The following ADD2 variants were observed in gnomAD, a reference collection of about 807,000 sequenced individuals.
The protein encoded by ADD2 is beta-adducin.
Under a neutral mutation model 83.0 loss-of-function variants are expected in ADD2, and 23 were observed. That is an observed-to-expected ratio of 0.28 (90% CI 0.20 to 0.39). The LOEUF (loss-of-function observed/expected upper bound fraction) is 0.39. Among genes scored for constraint, ADD2 ranks in the 10% least tolerant of loss-of-function variants. The pLI, the probability that ADD2 is intolerant of heterozygous loss-of-function variation, is 1.00. For missense variants in ADD2, 758 were observed against 944.9 expected, an observed-to-expected ratio of 0.80 and a Z score of 2.59; for synonymous variants, 375 against 375.4, an observed-to-expected ratio of 1.00 and a Z score of 0.01.
At chr2:70,702,369 G>A (rs1574262990) in intron 4 of ADD2, among the ~76,000 whole-genome samples, 1 of 152,110 alleles carries the variant, frequency 6.6e-6, no homozygotes, top group African/African-American at 2.4e-5. Context: ...GTGTCACCAT[G>A]TTGGCCGGGC....
chr2:70,766,881 T>C (rs1675410757), intron 1 of ADD2, among the ~76,000 whole-genome samples: 1 of 152,246 alleles, frequency 6.6e-6, no homozygotes, highest in African/African-American at 2.4e-5. Context: ...TGGGTATTAA[T>C]CATGTGTCAG....
chr2:70,709,811 G>A (rs1672085827), intron 2 of ADD2, among the ~76,000 whole-genome samples: 1 of 152,168 alleles, frequency 6.6e-6, no homozygotes, highest in Admixed American at 6.5e-5. Context: ...TTGGCCTTGT[G>A]GATTCCAGTC....
chr2:70,751,693 CTTT>C, intron 1 of ADD2, among the ~76,000 whole-genome samples: 1 of 152,246 alleles, frequency 6.6e-6, no homozygotes, highest in East Asian at 1.9e-4. Flanking sequence ...CAACTCGATT[CTTT>C]TAGACTTTGG....
intron 1 of ADD2, among the ~76,000 whole-genome samples, chr2:70,758,501 C>G (rs1464096065): frequency 6.6e-6 from 1 of 151,896 alleles, no homozygotes; most frequent in Non-Finnish European, 1.5e-5. Flanking sequence ...GAGGGTAGAG[C>G]GTAAAGGAAA....
chr2:70,725,422 ATG>A (rs1468457701), intron 1 of ADD2, among the ~76,000 whole-genome samples: 1 of 152,190 alleles, frequency 6.6e-6, no homozygotes. Flanking sequence ...ATATATATAT[ATG>A]TGTGTATGTC....
At chr2:70,744,496 TATAA>T (rs1248063927) in intron 1 of ADD2, among the ~76,000 whole-genome samples, 3 of 152,110 alleles carry the variant, frequency 2.0e-5, no homozygotes, top group African/African-American at 7.2e-5. Flanking sequence ...AAGGCTGAGA[TATAA>T]ATGACATGAA....
At chr2:70,766,967 C>T (rs879970057) in intron 1 of ADD2, among the ~76,000 whole-genome samples, 2 of 152,088 alleles carry the variant, frequency 1.3e-5, no homozygotes, top group South Asian at 2.1e-4. Context: ...ATTTCTATTT[C>T]CTATTTTCTA....
chr2:70,669,071 CA>C (rs1669793476), intron 15 of ADD2, among the ~76,000 whole-genome samples: 1 of 152,118 alleles, frequency 6.6e-6, no homozygotes, highest in South Asian at 2.1e-4. Flanking sequence ...TATGTTGACA[CA>C]AGGGCTGGGC....
intron 7 of ADD2, among the ~76,000 whole-genome samples, chr2:70,691,228 C>T (rs560680128): frequency 1.3e-5 from 2 of 152,132 alleles, no homozygotes; most frequent in Non-Finnish European, 2.9e-5. Flanking sequence ...CCCTCCCACT[C>T]CCCCCACCTC....
At chr2:70,709,921 C>A (rs1672091447) in intron 2 of ADD2, among the ~76,000 whole-genome samples, 1 of 152,178 alleles carries the variant, frequency 6.6e-6, no homozygotes, top group African/African-American at 2.4e-5. Flanking sequence ...ATGACAAAGT[C>A]AAACATAATA....
chr2:70,752,796 T>C (rs1553383159), intron 1 of ADD2, among the ~76,000 whole-genome samples: 1 of 152,180 alleles, frequency 6.6e-6, no homozygotes, highest in African/African-American at 2.4e-5. Flanking sequence ...TCAGCCTCAC[T>C]ACCCAAAGTA....
At chr2:70,678,550 G>A (rs1351902005) in intron 11 of ADD2, among the ~76,000 whole-genome samples, 154 bp downstream of exon 11, 1 of 152,234 alleles carries the variant, frequency 6.6e-6, no homozygotes, top group East Asian at 1.9e-4. Context: ...CAGTGGGCCT[G>A]AGCAGCTGCT....
chr2:70,745,626 A>C (rs181423177), intron 1 of ADD2, among the ~76,000 whole-genome samples: 1 of 152,344 alleles, frequency 6.6e-6, no homozygotes, highest in Admixed American at 6.5e-5. Context: ...GCCAGACTAT[A>C]GCCTCACCAA....
intron 1 of ADD2, among the ~76,000 whole-genome samples, chr2:70,715,098 C>A (rs1402282701): frequency 6.6e-6 from 1 of 152,112 alleles, no homozygotes; most frequent in African/African-American, 2.4e-5. Flanking sequence ...ATTGTATTAG[C>A]TAGAAACCAT....
At chr2:70,696,479 G>A in intron 4 of ADD2, 83 bp from the exon 5 acceptor site, 1 of 1,569,310 alleles carries the variant, frequency 6.4e-7, no homozygotes, top group South Asian at 1.2e-5. Flanking sequence ...AATTCTCACT[G>A]GCACTAAAAC....
intron 1 of ADD2, among the ~76,000 whole-genome samples, chr2:70,766,729 A>G (rs1675400869): frequency 6.6e-6 from 1 of 151,718 alleles, no homozygotes; most frequent in Admixed American, 6.6e-5. Flanking sequence ...CAGACCAACC[A>G]CTCCTTTTGG....
chr2:70,680,796 C>T (rs1286592101), intron 10 of ADD2, among the ~76,000 whole-genome samples: 2 of 152,254 alleles, frequency 1.3e-5, no homozygotes, highest in African/African-American at 2.4e-5. Context: ...AGTTAAGATA[C>T]AAAAACTACT....
Position 70,713,133 on chromosome 2 carries a change from A to C in ADD2, c.-102T>G, listed in dbSNP as rs908489093. 7 of 985,202 alleles carry C rather than the reference A, an allele frequency of 7.1e-6. No individual in the cohort carries two copies. The African/African-American group carries it at 1.2e-4, about 17-fold the overall frequency. 61.0% of individuals were successfully genotyped at this position (985,202 alleles called of 1,614,324 possible). On this transcript the variant is annotated 5_prime_UTR_variant, in exon 2 of 16. Transcript: ENST00000264436. ...TGCTCAGTCTGCACCCCCTAGCTCC[A>C]CTCTCAAGGGTGCCGGCCACATCTA...
chr2:70,687,895 T>C (rs1670821082), intron 9 of ADD2, 129 bp downstream of exon 9: 26 of 654,834 alleles, frequency 4.0e-5, no homozygotes, highest in Non-Finnish European at 6.2e-5. Context: ...GGCAGAGAAA[T>C]AGGGCAAGGC....
Sources: gnomAD v4.1 joint callset for allele counts (sites outside exome capture counted in the v4.1 genomes callset) on GRCh38, gnomAD v4.1.1 for gene constraint, MANE v1.5 for transcripts, NCBI Gene and HGNC (gene_info 2026-07-23, HGNC 2026-07-21) for gene names.